Variants in TRAPPC9 observed in about 807,000 individuals in gnomAD.
TRAPPC9 encodes the protein IKK2 binding protein.
A neutral mutation model predicts 124.0 loss-of-function variants in TRAPPC9; 83 were observed. The observed-to-expected ratio is 0.67, with a 90% CI of 0.56 to 0.80. The LOEUF is 0.80. Ranked by LOEUF, TRAPPC9 falls within the 30% of genes least tolerant of loss-of-function variation. The probability of loss-of-function intolerance (pLI) is 0.00; values close to 1 mark genes in which losing one functional copy is unlikely to be tolerated. For synonymous variants in TRAPPC9, 638 were observed against 617.5 expected (o/e 1.03, Z -0.49); for missense variants, 1,302 against 1,508.3 (o/e 0.86, Z 2.27).
At chr8:139,979,368 C>G (rs996188116) in intron 19 of TRAPPC9, among the ~76,000 whole-genome samples, 32 of 152,198 alleles carry the variant, frequency 2.1e-4, no homozygotes, top group African/African-American at 7.7e-4. Context: ...GCAAGCCAAA[C>G]GTCTCTAGCC....
chr8:139,773,348 C>T (rs113692189), intron 21 of TRAPPC9, among the ~76,000 whole-genome samples: 2,723 of 152,342 alleles, frequency 0.018, 93 homozygotes, highest in African/African-American at 0.062. Context: ...AAGTTCCCAA[C>T]GGCTGCCAGA....
intron 19 of TRAPPC9, 88 bp from the exon 20 acceptor site, chr8:139,910,388 A>T: frequency 7.9e-7 from 1 of 1,272,594 alleles, no homozygotes; most frequent in Non-Finnish European, 1.1e-6. Context: ...CCAGCGTGAG[A>T]CACTATAATG....
At chr8:140,287,799 G>A (rs2065534637) in intron 12 of TRAPPC9, 65 bp from the exon 13 acceptor site, 11 of 1,609,090 alleles carry the variant, frequency 6.8e-6, no homozygotes, top group Non-Finnish European at 8.5e-6. Flanking sequence ...AGTTCCAAAT[G>A]AGCCTTAAGA....
intron 17 of TRAPPC9, among the ~76,000 whole-genome samples, chr8:140,121,623 A>G (rs562812264): frequency 6.6e-6 from 1 of 152,322 alleles, no homozygotes; most frequent in African/African-American, 2.4e-5. Context: ...TGCCAATGTT[A>G]TAATTATAGG....
intron 6 of TRAPPC9, among the ~76,000 whole-genome samples, chr8:140,404,193 T>G (rs2069387592): frequency 6.6e-6 from 1 of 152,196 alleles, no homozygotes; most frequent in Non-Finnish European, 1.5e-5. Context: ...GAACATAACC[T>G]ATGATAAATG....
intron 21 of TRAPPC9, among the ~76,000 whole-genome samples, chr8:139,752,461 T>C (rs1163420947): frequency 6.8e-6 from 1 of 146,018 alleles, no homozygotes; most frequent in East Asian, 2.1e-4. Flanking sequence ...TCCACCCATC[T>C]ACCATCCATC....
chr8:140,161,285 A>AGAT (rs1354665244), intron 17 of TRAPPC9, among the ~76,000 whole-genome samples: 11 of 152,150 alleles, frequency 7.2e-5, no homozygotes, highest in Admixed American at 7.2e-4. Flanking sequence ...CAGCTCAAAG[A>AGAT]GATGAAGTCG....
At chr8:140,326,037 A>C (rs2066726572) in intron 9 of TRAPPC9, among the ~76,000 whole-genome samples, 1 of 152,188 alleles carries the variant, frequency 6.6e-6, no homozygotes, top group South Asian at 2.1e-4. Flanking sequence ...ACACAAATGG[A>C]AATATACAAA....
Position 140,359,969 on chromosome 8 carries a change from C to G in TRAPPC9, c.1495+81G>C, listed in dbSNP as rs968392904. The G allele has an allele frequency of 1.9e-5, 30 of 1,597,334 alleles. No homozygotes were observed. In the Admixed American group the frequency reaches 5.0e-4, roughly 27 times the overall value. Reference sequence around the variant, plus strand: ...TCTTCCACCCACTGAAACCCAAGCCCAGGGTTTACATGAACCAGCATCTAA... The same window carrying G: ...TCTTCCACCCACTGAAACCCAAGCCGAGGGTTTACATGAACCAGCATCTAA... On this transcript the variant is annotated intron_variant, in intron 9 of 22. Transcript: ENST00000438773.
At chr8:139,903,073 C>T (rs1831121194) in intron 20 of TRAPPC9, among the ~76,000 whole-genome samples, 1 of 152,230 alleles carries the variant, frequency 6.6e-6, no homozygotes. Flanking sequence ...GAGACCCAAG[C>T]TGTGCCTGGG....
chr8:140,351,378 T>G (rs184374213), intron 9 of TRAPPC9, among the ~76,000 whole-genome samples: 290 of 151,718 alleles, frequency 1.9e-3, no homozygotes, highest in African/African-American at 6.8e-3. Flanking sequence ...GTGTGTAGTT[T>G]TTTTTTTTCC....
chr8:140,197,983 C>T (rs1053195451), intron 17 of TRAPPC9, among the ~76,000 whole-genome samples: 28 of 152,178 alleles, frequency 1.8e-4, no homozygotes, highest in African/African-American at 6.5e-4. Flanking sequence ...GGTGCACTGG[C>T]CATCTAGTCT....
intron 21 of TRAPPC9, among the ~76,000 whole-genome samples, chr8:139,876,100 G>T (rs1354543174): frequency 2.6e-5 from 4 of 152,216 alleles, no homozygotes; most frequent in Non-Finnish European, 5.9e-5. Flanking sequence ...TGAATTTCAT[G>T]TTAGAAATAA....
At chr8:139,986,588 A>G (rs1238700646) in intron 19 of TRAPPC9, among the ~76,000 whole-genome samples, 1 of 152,222 alleles carries the variant, frequency 6.6e-6, no homozygotes, top group African/African-American at 2.4e-5. Context: ...TCATCTGCCC[A>G]TCTATTAATC....
intron 17 of TRAPPC9, among the ~76,000 whole-genome samples, chr8:140,059,640 G>A (rs1026492086): frequency 7.9e-5 from 12 of 152,160 alleles, no homozygotes; most frequent in Non-Finnish European, 1.2e-4. Flanking sequence ...GTGTCTAATC[G>A]TGGTTTTGAC....
intron 21 of TRAPPC9, among the ~76,000 whole-genome samples, chr8:139,879,837 A>G (rs1829568089): frequency 6.6e-6 from 1 of 152,224 alleles, no homozygotes. Context: ...ACATCCCTGC[A>G]AGGTGGGTGA....
chr8:140,267,354 T>C (rs756471811), intron 15 of TRAPPC9, among the ~76,000 whole-genome samples: 8 of 152,228 alleles, frequency 5.3e-5, no homozygotes, highest in Non-Finnish European at 1.0e-4. Flanking sequence ...CTGCTATCTG[T>C]AAAGCAAACA....
At chr8:139,755,808 T>G (rs1819711900) in intron 21 of TRAPPC9, among the ~76,000 whole-genome samples, 2 of 129,926 alleles carry the variant, frequency 1.5e-5, no homozygotes, top group East Asian at 2.5e-4. Context: ...GAGCCAGGGT[T>G]GGGGTATAAG....
chr8:139,739,257 C>T (rs1054258346), intron 21 of TRAPPC9, among the ~76,000 whole-genome samples: 33 of 152,204 alleles, frequency 2.2e-4, no homozygotes, highest in East Asian at 1.9e-4. Context: ...GGGAAACGTC[C>T]GGTGCCCATG....
Sources: allele counts gnomAD v4.1 joint callset (sites outside exome capture counted in the v4.1 genomes callset), GRCh38; gene constraint gnomAD v4.1.1; transcripts MANE v1.5; gene names NCBI Gene and HGNC (gene_info 2026-07-23, HGNC 2026-07-21).